ADK: variants seen among roughly 807,000 people sequenced by gnomAD.
ADK encodes the protein adenosine kinase.
Under a neutral mutation model 44.7 loss-of-function variants are expected in ADK, and 24 were observed. That is an observed-to-expected ratio of 0.54 (90% CI 0.39 to 0.76). The LOEUF (loss-of-function observed/expected upper bound fraction) is 0.76. Among genes scored for constraint, ADK ranks in the 30% least tolerant of loss-of-function variants. ADK has a pLI of 0.00. For synonymous variants in ADK, 128 were observed against 142.6 expected, an observed-to-expected ratio of 0.90 and a Z score of 0.73; for missense variants, 321 against 425.1, an observed-to-expected ratio of 0.76 and a Z score of 2.15.
At chr10:74,642,369 T>C (rs1383989228) in intron 9 of ADK, among the ~76,000 whole-genome samples, 1 of 151,528 alleles carries the variant, frequency 6.6e-6, no homozygotes, top group African/African-American at 2.4e-5. Context: ...ATTTTTTTTT[T>C]TTTTTTTTTA....
chr10:74,661,303 A>T, intron 9 of ADK: 1 of 968,980 alleles, frequency 1.0e-6, no homozygotes, highest in Non-Finnish European at 1.2e-6. Context: ...TAGTAGCAAC[A>T]TTACTTGAAT....
chr10:74,547,433 T>C (rs1048645998), intron 7 of ADK, among the ~76,000 whole-genome samples: 1 of 117,454 alleles, frequency 8.5e-6, no homozygotes. Flanking sequence ...TCCCACTTTA[T>C]ATATATATAT....
intron 3 of ADK, among the ~76,000 whole-genome samples, chr10:74,239,206 T>A (rs992619646): frequency 7.2e-5 from 11 of 152,148 alleles, no homozygotes; most frequent in Non-Finnish European, 1.6e-4. Context: ...TTGGTAGTTC[T>A]GAGAATTTTA....
At chr10:74,661,792 A>C (rs2134171249) in intron 9 of ADK, among the ~76,000 whole-genome samples, 1 of 151,788 alleles carries the variant, frequency 6.6e-6, no homozygotes, top group Non-Finnish European at 1.5e-5. Context: ...CCTTTTTTGA[A>C]CTCCTGTTGC....
At chr10:74,219,219 C>G (rs1268751694) in intron 2 of ADK, among the ~76,000 whole-genome samples, 1 of 151,636 alleles carries the variant, frequency 6.6e-6, no homozygotes, top group Non-Finnish European at 1.5e-5. Flanking sequence ...GCTTGCAATC[C>G]TAGTCTCTGA....
chr10:74,340,558 A>G (rs1841550006), intron 4 of ADK, among the ~76,000 whole-genome samples: 1 of 152,106 alleles, frequency 6.6e-6, no homozygotes, highest in African/African-American at 2.4e-5. Flanking sequence ...AGAAACCTAG[A>G]CTGTTTTGGA....
At chr10:74,321,270 G>A (rs1021168608) in intron 4 of ADK, among the ~76,000 whole-genome samples, 1 of 151,640 alleles carries the variant, frequency 6.6e-6, no homozygotes, top group Non-Finnish European at 1.5e-5. Context: ...TAACATTGAG[G>A]CTATATGGAT....
At chr10:74,570,329 A>G (rs1480039540) in intron 7 of ADK, among the ~76,000 whole-genome samples, 1 of 152,172 alleles carries the variant, frequency 6.6e-6, no homozygotes, top group East Asian at 1.9e-4. Flanking sequence ...TGGCAGTTTG[A>G]TGGGGATGGC....
chr10:74,308,909 G>GTGGCT (rs1477064339), intron 3 of ADK, among the ~76,000 whole-genome samples: 1 of 151,960 alleles, frequency 6.6e-6, no homozygotes, highest in Non-Finnish European at 1.5e-5. Flanking sequence ...AAATAAGTTA[G>GTGGCT]TGGCTTTAGT....
chr10:74,257,214 A>T (rs1270872226), intron 3 of ADK, among the ~76,000 whole-genome samples: 1 of 152,110 alleles, frequency 6.6e-6, no homozygotes, highest in Non-Finnish European at 1.5e-5. Flanking sequence ...GTTAAGTCCC[A>T]CAGTGGGTGC....
chr10:74,442,777 A>G (rs969087020), intron 6 of ADK, among the ~76,000 whole-genome samples: 11 of 152,214 alleles, frequency 7.2e-5, no homozygotes, highest in African/African-American at 2.2e-4. Context: ...CTGTCAACAG[A>G]TGAATGGATA....
intron 4 of ADK, among the ~76,000 whole-genome samples, chr10:74,342,506 T>G (rs1592072065): frequency 6.6e-6 from 1 of 152,326 alleles, no homozygotes; most frequent in East Asian, 1.9e-4. Flanking sequence ...AGGCTCATGC[T>G]CTGTTGCCCA....
At chr10:74,588,503 C>T (rs1851605055) in intron 7 of ADK, among the ~76,000 whole-genome samples, 2 of 152,126 alleles carry the variant, frequency 1.3e-5, no homozygotes, top group South Asian at 4.1e-4. Flanking sequence ...ACTTGTTCCC[C>T]TATCCTCTGT....
chr10:74,637,299 T>C (rs1235125236), intron 9 of ADK, among the ~76,000 whole-genome samples: 1 of 152,150 alleles, frequency 6.6e-6, no homozygotes, highest in African/African-American at 2.4e-5. Flanking sequence ...GCACAGTTTT[T>C]TTCAAAAATG....
intron 6 of ADK, among the ~76,000 whole-genome samples, chr10:74,455,414 A>G (rs1237355675): frequency 2.6e-5 from 4 of 152,176 alleles, no homozygotes; most frequent in Non-Finnish European, 5.9e-5. Context: ...GAGGATCACA[A>G]TTGATCCTCA....
chr10:74,311,331 T>C (rs1840426597), intron 3 of ADK, among the ~76,000 whole-genome samples: 1 of 152,204 alleles, frequency 6.6e-6, no homozygotes, highest in Non-Finnish European at 1.5e-5. Flanking sequence ...CACATACACA[T>C]AGTAAAACTA....
In ADK at chr10:74,626,014, A is replaced by C. The variant is rs187590434; in HGVS notation, c.877+25521A>C. Among the ~76,000 whole-genome samples, 314 of 152,326 alleles carry C rather than the reference A, an allele frequency of 2.1e-3. 1 individual carries two copies. Among genetic ancestry groups the C allele is most frequent in the African/African-American group, 7.1e-3 (294 of 41,566 alleles). ...ATAGTGTAGTTGATACTAAATAAAT[A>C]AATCAACTAGTGTAGTTGATAATAA... On this transcript the variant is annotated intron_variant, in intron 9 of 10. Transcript: ENST00000539909.
At chr10:74,655,367 C>A in intron 9 of ADK, 1 of 410,402 alleles carries the variant, frequency 2.4e-6, no homozygotes, top group East Asian at 6.3e-5. Context: ...TCATATCGTC[C>A]ACATCAAAAA....
intron 4 of ADK, among the ~76,000 whole-genome samples, chr10:74,353,858 A>T (rs1429892374): frequency 1.3e-5 from 2 of 152,140 alleles, no homozygotes; most frequent in South Asian, 4.1e-4. Context: ...ACAGAGCGAG[A>T]CTCTGTTTCA....
Sources: gnomAD v4.1 joint callset for allele counts (sites outside exome capture counted in the v4.1 genomes callset) on GRCh38, gnomAD v4.1.1 for gene constraint, MANE v1.5 for transcripts, NCBI Gene and HGNC (gene_info 2026-07-23, HGNC 2026-07-21) for gene names.